The following DKK2 variants were observed in gnomAD, a reference collection of about 807,000 sequenced individuals.
DKK2 encodes dickkopf-related protein 2.
DKK2 carries 11 observed loss-of-function variants against 28.1 expected under a neutral mutation model. The observed-to-expected ratio is 0.39, with a 90% CI of 0.25 to 0.65. The LOEUF is 0.65. Ranked by LOEUF, DKK2 falls within the 30% of genes least tolerant of loss-of-function variation. The pLI, the probability that DKK2 is intolerant of heterozygous loss-of-function variation, is 0.47. For missense variants in DKK2, 326 were observed against 335.5 expected (o/e 0.97, Z 0.22); for synonymous variants, 135 against 126.5 (o/e 1.07, Z -0.45).
chr4:106,926,681 C>T (rs1038216209), intron 1 of DKK2, among the ~76,000 whole-genome samples: 13 of 152,116 alleles, frequency 8.5e-5, no homozygotes, highest in African/African-American at 2.2e-4. Context: ...CAGGCTACTA[C>T]GCCTTCTATT....
At position 106,957,843 on chromosome 4, in the gene DKK2, T is replaced by C. The variant is rs951740856; in HGVS notation, c.223-31894A>G. On this transcript the variant is annotated intron_variant, in intron 1 of 3. Transcript: ENST00000285311. ...GGGTGCAGCACACCAGCATGGCACA[T>C]GTATACATATGTAACTAACCTGCAC... 3.3e-5 allele frequency among the ~76,000 whole-genome samples: 5 copies of C among 150,236 alleles called. No homozygotes were observed. The East Asian group carries it at 9.9e-4, about 30-fold the overall frequency.
chr4:107,019,602 T>G (rs1322414765), intron 1 of DKK2, among the ~76,000 whole-genome samples: 1 of 152,070 alleles, frequency 6.6e-6, no homozygotes, highest in Non-Finnish European at 1.5e-5. Context: ...TTGCTAGGAA[T>G]ATACTAGAGT....
chr4:106,956,046 C>T (rs1315314284), intron 1 of DKK2, among the ~76,000 whole-genome samples: 2 of 152,040 alleles, frequency 1.3e-5, no homozygotes, highest in East Asian at 3.9e-4. Context: ...GTAAATCCAC[C>T]CAAAACAGTT....
rs115186082 is a variant in DKK2 at position 107,035,813 on chromosome 4, A to T, written c.-222T>A. 3,225 of 585,006 alleles carry T rather than the reference A, an allele frequency of 5.5e-3. 89 individuals carry two copies. Among genetic ancestry groups the T allele is most frequent in the African/African-American group, 0.054 (2,878 of 53,700 alleles). The allele number at this position is 585,006 out of a possible 1,614,324, so 36.2% of individuals were successfully genotyped here. On this transcript the variant is annotated 5_prime_UTR_variant, in exon 1 of 4. Coordinates refer to ENST00000285311, the MANE Select transcript of DKK2 (RefSeq NM_014421.3). Reference sequence around the variant, plus strand: ...AAGCGAGACCCGCTTCTCCACCAGGACAGGAAGTTCTGCAATAACTGGAAG... The same window carrying T: ...AAGCGAGACCCGCTTCTCCACCAGGTCAGGAAGTTCTGCAATAACTGGAAG...
intron 1 of DKK2, among the ~76,000 whole-genome samples, chr4:107,013,114 A>C (rs1409707209): frequency 6.6e-6 from 1 of 151,152 alleles, no homozygotes; most frequent in Non-Finnish European, 1.5e-5. Flanking sequence ...CCTTCATATT[A>C]TTTATCTTTT....
intron 1 of DKK2, among the ~76,000 whole-genome samples, chr4:107,032,088 G>A (rs542233509): frequency 1.3e-5 from 2 of 151,922 alleles, no homozygotes; most frequent in Non-Finnish European, 2.9e-5. Flanking sequence ...AATTTAGCCT[G>A]TATACATATA....
At chr4:106,933,501 G>A (rs1174255927) in intron 1 of DKK2, among the ~76,000 whole-genome samples, 1 of 152,166 alleles carries the variant, frequency 6.6e-6, no homozygotes, top group Non-Finnish European at 1.5e-5. Context: ...ACTTTGGGAG[G>A]AACGCTGTGT....
rs1724378278 is a variant in DKK2 at position 106,923,460 on chromosome 4, T to G, written c.*494A>C. On this transcript the variant is annotated 3_prime_UTR_variant, in exon 4 of 4. Transcript: ENST00000285311. ...CAAAAGGTAATTTTCTGTTGTAAATTAACAATGCTCCATGTTTTCATTTCT... is the reference window on the plus strand; with the variant it reads ...CAAAAGGTAATTTTCTGTTGTAAATGAACAATGCTCCATGTTTTCATTTCT... 6.5e-6 allele frequency: 1 copy of G among 153,470 alleles called. No individual in the cohort carries two copies. The highest frequency in any genetic ancestry group is 2.0e-4 in the South Asian group (1 of 4,916). 9.5% of individuals were successfully genotyped at this position (153,470 alleles called of 1,614,324 possible). A position where few individuals can be genotyped will look rare whatever the true frequency, so the allele number is the denominator to read the frequency against.
intron 1 of DKK2, among the ~76,000 whole-genome samples, chr4:106,973,856 T>G (rs1167642334): frequency 6.6e-6 from 1 of 152,220 alleles, no homozygotes; most frequent in Non-Finnish European, 1.5e-5. Context: ...TCTAAGGTTT[T>G]TTATTGTTTT....
At chr4:107,007,806 A>G (rs1387317714) in intron 1 of DKK2, among the ~76,000 whole-genome samples, 1 of 152,140 alleles carries the variant, frequency 6.6e-6, no homozygotes, top group Non-Finnish European at 1.5e-5. Flanking sequence ...AGCTAAGCTT[A>G]GGAGCTGGTG....
Position 107,030,434 on chromosome 4 carries a change from C to G in DKK2, c.222+4936G>C, listed in dbSNP as rs192132588. Reference sequence around the variant, plus strand: ...CAATATGTCTATCAATTATGATTAGCCTTACTTCCTTTTGGTTTATGCTTT... The same window carrying G: ...CAATATGTCTATCAATTATGATTAGGCTTACTTCCTTTTGGTTTATGCTTT... On this transcript the variant is annotated intron_variant, in intron 1 of 3. Transcript: ENST00000285311. Among the ~76,000 whole-genome samples the G allele has an allele frequency of 5.6e-3, 850 of 151,986 alleles. 6 individuals are homozygous for G. Among genetic ancestry groups the G allele is most frequent in the Non-Finnish European group, 6.9e-3 (471 of 67,866 alleles).
At chr4:107,014,260 A>T (rs1167821400) in intron 1 of DKK2, among the ~76,000 whole-genome samples, 2 of 151,546 alleles carry the variant, frequency 1.3e-5, no homozygotes, top group African/African-American at 4.8e-5. Context: ...CAGATGAATG[A>T]ATAAAGAAAA....
rs796698608 is a variant in DKK2 at position 107,022,308 on chromosome 4, T to C, written c.222+13062A>G. On this transcript the variant is annotated intron_variant, in intron 1 of 3. Transcript: ENST00000285311. ...TGTTGACTGTGATCATAGCATCTAA[T>C]ACACTTAAGAAGTAAGCAATTAGCA... is the stretch of plus-strand genomic sequence containing the variant. 2.8e-4 allele frequency among the ~76,000 whole-genome samples: 42 copies of C among 152,274 alleles called. 1 individual carries two copies. Among genetic ancestry groups the C allele is most frequent in the African/African-American group, 1.0e-3 (42 of 41,568 alleles).
At chr4:106,956,773 A>G (rs1163651591) in intron 1 of DKK2, among the ~76,000 whole-genome samples, 2 of 151,812 alleles carry the variant, frequency 1.3e-5, no homozygotes, top group Non-Finnish European at 2.9e-5. Context: ...AAAGACTTAA[A>G]CATTAGACCT....
chr4:106,984,753 A>G (rs1457861538), intron 1 of DKK2, among the ~76,000 whole-genome samples: 1 of 152,242 alleles, frequency 6.6e-6, no homozygotes, highest in Non-Finnish European at 1.5e-5. Context: ...CTAGCCAAAA[A>G]CTGAAAACAA....
intron 1 of DKK2, among the ~76,000 whole-genome samples, chr4:107,007,187 G>C (rs780505619): frequency 6.6e-6 from 1 of 152,042 alleles, no homozygotes; most frequent in Non-Finnish European, 1.5e-5. Flanking sequence ...TAGGTGATTT[G>C]TTTGTGATGA....
chr4:106,924,807 A>G, intron 2 of DKK2, 107 bp from the exon 3 acceptor site: 1 of 1,015,436 alleles, frequency 9.8e-7, no homozygotes, highest in South Asian at 2.0e-5. Context: ...CTATCTGTGT[A>G]TCTATCTATC....
chr4:106,975,474 T>C (rs1722930221), intron 1 of DKK2, among the ~76,000 whole-genome samples: 1 of 152,112 alleles, frequency 6.6e-6, no homozygotes, highest in Admixed American at 6.6e-5. Flanking sequence ...TTTGGGAGGG[T>C]GTATGTGTCT....
Position 106,924,687 on chromosome 4 carries a change from T to C in DKK2, c.387A>G (p.Pro129=). The change falls in exon 3 of 4, where the codon CCA becomes CCG. Residue 129 remains proline, a synonymous_variant. Transcript: ENST00000285311. Reference sequence around the variant, plus strand: ...GAGGGGTTAAGATGCTTTCAGTAACTGGGATACAGATGCCTGGAGATGATC... The same window carrying C: ...GAGGGGTTAAGATGCTTTCAGTAACCGGGATACAGATGCCTGGAGATGATC... The part of the protein sequence containing the change: ...STRCNNGICI[P]VTESILTPHI... 6.2e-7 allele frequency: 1 copy of C among 1,613,416 alleles called. No individual in the cohort carries two copies. Among genetic ancestry groups the C allele is most frequent in the Non-Finnish European group, 8.5e-7 (1 of 1,179,670 alleles).
Sources: gnomAD v4.1 joint callset for allele counts (sites outside exome capture counted in the v4.1 genomes callset) on GRCh38, gnomAD v4.1.1 for gene constraint, MANE v1.5 for transcripts, NCBI Gene and HGNC (gene_info 2026-07-23, HGNC 2026-07-21) for gene names.